Variants in EPB41L2 observed in about 807,000 individuals in gnomAD.
The protein encoded by EPB41L2 is band 4.1-like protein 2.
In EPB41L2, 43 loss-of-function variants were observed where a neutral mutation model predicts 113.0. That is an observed-to-expected ratio of 0.38 (90% CI 0.30 to 0.49). The LOEUF is 0.49. Among genes scored for constraint, EPB41L2 ranks in the 20% least tolerant of loss-of-function variants. EPB41L2 has a pLI of 0.95. For synonymous variants in EPB41L2, 442 were observed against 436.7 expected (o/e 1.01, Z -0.15); for missense variants, 1,147 against 1,223.4 (o/e 0.94, Z 0.93).
chr6:130,954,032 TTTTCTTTC>T (rs368152825), intron 3 of EPB41L2, among the ~76,000 whole-genome samples: 5 of 96,588 alleles, frequency 5.2e-5, no homozygotes, highest in African/African-American at 1.9e-4. Flanking sequence ...TTGCTAGTCC[TTTTCTTTC>T]TTTTTTTTTT....
intron 1 of EPB41L2, among the ~76,000 whole-genome samples, chr6:130,992,289 G>A (rs928072026): frequency 1.3e-5 from 2 of 152,060 alleles, no homozygotes; most frequent in African/African-American, 4.8e-5. Context: ...AGTTTTGCTG[G>A]TCAAATTCCT....
intron 10 of EPB41L2, among the ~76,000 whole-genome samples, chr6:130,891,428 T>C (rs79102592): frequency 2.0e-5 from 3 of 149,364 alleles, no homozygotes; most frequent in African/African-American, 5.1e-5. Context: ...TATTTATTTA[T>C]TTACTTACTT....
intron 1 of EPB41L2, among the ~76,000 whole-genome samples, chr6:131,058,234 A>T (rs564142074): frequency 1.3e-3 from 199 of 152,334 alleles, no homozygotes; most frequent in Non-Finnish European, 2.2e-3. Flanking sequence ...GTATGAATGC[A>T]CTCATAGATC....
At chr6:130,897,512 A>G (rs943153751) in intron 8 of EPB41L2, among the ~76,000 whole-genome samples, 14 of 152,324 alleles carry the variant, frequency 9.2e-5, no homozygotes, top group African/African-American at 3.4e-4. Flanking sequence ...AAAAACAAGA[A>G]TCCTGAAACC....
chr6:130,903,139 CAAAGGATTATCATTCTCCAAACAAATT>C (rs1272282993), intron 6 of EPB41L2, among the ~76,000 whole-genome samples: 1 of 152,026 alleles, frequency 6.6e-6, no homozygotes, highest in Non-Finnish European at 1.5e-5. Context: ...TTGCAATCAC[CAAAGGATTATCATTCTCCAAACAAATT>C]ACTGCCAGGA....
chr6:130,880,571 G>T, intron 12 of EPB41L2: 2 of 547,370 alleles, frequency 3.7e-6, no homozygotes, highest in South Asian at 2.8e-5. Flanking sequence ...AGCTGTATTT[G>T]AACTTAAATG....
chr6:130,994,731 G>C (rs1782659187), intron 1 of EPB41L2, among the ~76,000 whole-genome samples: 1 of 152,066 alleles, frequency 6.6e-6, no homozygotes, highest in Non-Finnish European at 1.5e-5. Flanking sequence ...CATAAATCTT[G>C]GGGCCCCCAA....
chr6:130,879,750 T>C (rs939698271), intron 13 of EPB41L2, among the ~76,000 whole-genome samples: 1 of 152,190 alleles, frequency 6.6e-6, no homozygotes, highest in Non-Finnish European at 1.5e-5. Context: ...AGTCACATGA[T>C]TTAATGCCAG....
chr6:131,042,926 T>C (rs1794725520), intron 1 of EPB41L2, among the ~76,000 whole-genome samples: 1 of 152,220 alleles, frequency 6.6e-6, no homozygotes, highest in African/African-American at 2.4e-5. Flanking sequence ...AGGATTATTA[T>C]CTTCCCAAAT....
chr6:130,843,404 G>A (rs1583448694), intron 19 of EPB41L2, among the ~76,000 whole-genome samples: 1 of 152,174 alleles, frequency 6.6e-6, no homozygotes, highest in African/African-American at 2.4e-5. Context: ...TGTAAAAGCT[G>A]TAAAAGTTTC....
chr6:130,882,014 A>G (rs943452748), intron 12 of EPB41L2: 6 of 152,236 alleles, frequency 3.9e-5, no homozygotes, highest in African/African-American at 1.4e-4. Context: ...CATAGATGCT[A>G]GAACACACTT....
chr6:130,919,947 G>A (rs1464369377), intron 4 of EPB41L2, among the ~76,000 whole-genome samples: 3 of 152,112 alleles, frequency 2.0e-5, no homozygotes, highest in Non-Finnish European at 1.5e-5. Context: ...ATTTCACAGA[G>A]ATTGGAGACT....
chr6:130,960,998 C>G (rs1773362576), intron 1 of EPB41L2, among the ~76,000 whole-genome samples: 1 of 152,138 alleles, frequency 6.6e-6, no homozygotes, highest in Non-Finnish European at 1.5e-5. Context: ...ATCATCTAGT[C>G]TAATATCCTC....
intron 1 of EPB41L2, among the ~76,000 whole-genome samples, chr6:131,051,578 G>A (rs115013009): frequency 1.7e-3 from 260 of 152,168 alleles, no homozygotes; most frequent in African/African-American, 5.8e-3. Flanking sequence ...ACTTAGCAGA[G>A]CAGAGGAAGC....
At position 130,921,178 on chromosome 6, in the gene EPB41L2, TC is replaced by T. The variant is rs1737789254; in HGVS notation, c.810+5426del. ...TCTAGACTAGACTACCGCAACTGTC[TC>T]CTGACCTTCCTGCCTCTGGTCTCAG... is the stretch of plus-strand genomic sequence containing the variant. On this transcript the variant is annotated intron_variant, in intron 4 of 19. Transcript: ENST00000337057. Among the ~76,000 whole-genome samples the T allele has an allele frequency of 1.3e-5, 2 of 152,118 alleles. 1 individual carries two copies. Among genetic ancestry groups the T allele is most frequent in the South Asian group, 4.1e-4 (2 of 4,830 alleles).
At chr6:130,941,836 G>A (rs1811007447) in intron 3 of EPB41L2, among the ~76,000 whole-genome samples, 1 of 152,130 alleles carries the variant, frequency 6.6e-6, no homozygotes, top group Non-Finnish European at 1.5e-5. Context: ...GTGCCCTCAG[G>A]TGCCTCTCCA....
intron 1 of EPB41L2, among the ~76,000 whole-genome samples, chr6:131,022,313 G>A (rs1584581256): frequency 6.6e-6 from 1 of 152,124 alleles, no homozygotes; most frequent in East Asian, 1.9e-4. Context: ...CTGGAGATTG[G>A]GAAGCCCTGC....
At chr6:130,980,610 T>C (rs1779193165) in intron 1 of EPB41L2, among the ~76,000 whole-genome samples, 1 of 152,118 alleles carries the variant, frequency 6.6e-6, no homozygotes, top group African/African-American at 2.4e-5. Context: ...AGCATTTTGT[T>C]AAATGAAATT....
chr6:131,033,936 A>AT (rs1022689154), intron 1 of EPB41L2, among the ~76,000 whole-genome samples: 1 of 152,150 alleles, frequency 6.6e-6, no homozygotes, highest in African/African-American at 2.4e-5. Context: ...AAAATGGCAA[A>AT]TTTTTTACAT....
Sources: gnomAD v4.1 joint callset for allele counts (sites outside exome capture counted in the v4.1 genomes callset) on GRCh38, gnomAD v4.1.1 for gene constraint, MANE v1.5 for transcripts, NCBI Gene and HGNC (gene_info 2026-07-23, HGNC 2026-07-21) for gene names.